NOL7: variants seen among roughly 807,000 people sequenced by gnomAD.
The protein encoded by NOL7 is U3 small nucleolar RNA-associated protein NOL7.
In NOL7, 36 loss-of-function variants were observed where a neutral mutation model predicts 38.4. The observed-to-expected ratio is 0.94, with a 90% CI of 0.72 to 1.24. NOL7 has a LOEUF of 1.24. Among genes scored for constraint, NOL7 ranks in the 50% most tolerant of loss-of-function variants. The probability of loss-of-function intolerance (pLI) is 0.00; values close to 1 mark genes in which losing one functional copy is unlikely to be tolerated. For missense variants in NOL7, 350 were observed against 315.1 expected (o/e 1.11, Z -0.84); for synonymous variants, 142 against 126.5 (o/e 1.12, Z -0.82).
chr6:13,624,879 TCA>T (rs937426263), downstream of NOL7, among the ~76,000 whole-genome samples: 15 of 152,214 alleles, frequency 9.9e-5, no homozygotes, highest in African/African-American at 3.1e-4. Context: ...TGCCGGGTAC[TCA>T]CAAGTCATCA....
At chr6:13,618,002 T>A (rs1335340747) in intron 4 of NOL7, 56 bp from the exon 5 acceptor site, 5 of 1,111,144 alleles carry the variant, frequency 4.5e-6, no homozygotes, top group Non-Finnish European at 6.8e-6. Flanking sequence ...CTCCAGTAAA[T>A]TTCCTGATTT....
Position 13,616,467 on chromosome 6 carries a change from G to T in NOL7, c.332G>T (p.Arg111Ile). Residue 111 changes from arginine to isoleucine, a missense_variant, in exon 3 of 8, where the codon AGA (arginine) becomes ATA (isoleucine). Arg to Ile is a moderately conservative substitution (Grantham distance 97, BLOSUM62 -3). Transcript: ENST00000451315. Reference protein sequence around the residue: ...REELFIEQKKRKLLPDTILEK... With the variant: ...REELFIEQKKIKLLPDTILEK... ...TAAACGTTTTCATTCCAAAAGAAAA[G>T]AAAACTCCTTCCAGACACTATTTTG... The T allele has an allele frequency of 6.2e-7, 1 of 1,606,140 alleles. No individual in the cohort carries two copies.
At chr6:13,620,678 A>G (rs1292142877) in intron 7 of NOL7, 76 bp from the exon 8 acceptor site, 7 of 1,033,828 alleles carry the variant, frequency 6.8e-6, no homozygotes, top group Non-Finnish European at 9.9e-6. Context: ...TAGTAATTAC[A>G]TTCATATAGA....
At chr6:13,621,839 T>C (rs1165067661), downstream of NOL7, 1 of 152,682 alleles carries the variant, frequency 6.5e-6, no homozygotes, top group African/African-American at 2.4e-5. Context: ...TCCTGAGTAT[T>C]TCAAGTTTTA....
chr6:13,625,714 T>C (rs764570849), downstream of NOL7: 18 of 1,613,406 alleles, frequency 1.1e-5, no homozygotes, highest in Non-Finnish European at 1.5e-5. Context: ...CAAGCTGATT[T>C]CCAACTGGGC....
chr6:13,620,665 T>A, intron 7 of NOL7, 89 bp from the exon 8 acceptor site: 1 of 1,001,214 alleles, frequency 1.0e-6, no homozygotes, highest in Non-Finnish European at 1.5e-6. Flanking sequence ...GCCCACCCAG[T>A]TTTAGTAATT....
downstream of NOL7, chr6:13,622,189 C>T (rs1365569325): frequency 1.4e-5 from 8 of 563,666 alleles, no homozygotes; most frequent in Admixed American, 1.7e-4. Context: ...TTTCTCCTAA[C>T]ACTAAGTTAG....
downstream of NOL7, among the ~76,000 whole-genome samples, chr6:13,625,947 CTAATT>C (rs1345899769): frequency 6.6e-6 from 1 of 152,088 alleles, no homozygotes; most frequent in Non-Finnish European, 1.5e-5. Context: ...GCAGCAAAGC[CTAATT>C]TATTTTCATT....
chr6:13,625,556 C>T, downstream of NOL7: 1 of 705,378 alleles, frequency 1.4e-6, no homozygotes. Flanking sequence ...AAACATTTTC[C>T]TGATGATTTT....
At chr6:13,630,547 A>G (rs1389226920) in intron 8 of NOL7, among the ~76,000 whole-genome samples, 1 of 152,214 alleles carries the variant, frequency 6.6e-6, no homozygotes, top group Non-Finnish European at 1.5e-5. Flanking sequence ...TTTATTTCCA[A>G]ATATGCCCTA....
In NOL7 at chr6:13,615,738, G is replaced by A. The variant is rs760188337; in HGVS notation, c.293G>A (p.Arg98Lys). The change falls in exon 2 of 8, where the codon AGG (arginine) becomes AAG (lysine). Residue 98 changes from arginine (R) to lysine (K), a missense_variant. Transcript: ENST00000451315. ...RRDKTLLKEK[R>K]KRREELFIEQ... is the part of the protein sequence containing the mutation. The stretch of plus-strand genomic sequence containing the variant: ...GATAAAACGCTCCTGAAGGAGAAGA[G>A]GAAGCGACGCGAGGAGCTGTTCATC... 6.2e-7 allele frequency: 1 copy of A among 1,614,132 alleles called. No homozygotes were observed. The highest frequency in any genetic ancestry group is 8.5e-7 in the Non-Finnish European group (1 of 1,179,988).
downstream of NOL7, chr6:13,625,642 G>A: frequency 6.4e-7 from 1 of 1,564,334 alleles, no homozygotes; most frequent in Non-Finnish European, 8.8e-7. Context: ...GCCTTATTTG[G>A]CTTTACTTAC....
intron 8 of NOL7, among the ~76,000 whole-genome samples, chr6:13,629,911 C>T (rs1317206798): frequency 8.0e-6 from 1 of 124,954 alleles, no homozygotes. Context: ...CTCTCTCTCT[C>T]TCTCTCTCTC....
rs776228615 is a variant in NOL7, at chr6:13,621,078, T to G, written c.*251T>G. 20 of 254,808 alleles carry G rather than the reference T, an allele frequency of 7.8e-5. No individual in the cohort carries two copies. Among genetic ancestry groups the G allele is most frequent in the Non-Finnish European group, 1.1e-4 (15 of 132,200 alleles). 15.8% of individuals were successfully genotyped at this position (254,808 alleles called of 1,614,324 possible). On this transcript the variant is annotated 3_prime_UTR_variant, in exon 8 of 8. Coordinates refer to ENST00000451315, the MANE Select transcript of NOL7 (RefSeq NM_016167.5). ...TACCCACATCAGCAACAGCACCTCT[T>G]CTACTCTCCCCGGGTTAGAGGGGTG...
rs886550846 is a variant in NOL7 at position 13,615,378 on chromosome 6, G to T, written c.20G>T (p.Arg7Leu). 5 of 1,516,930 alleles carry T rather than the reference G, an allele frequency of 3.3e-6. No individual in the cohort carries two copies. Among genetic ancestry groups the T allele is most frequent in the Non-Finnish European group, 4.4e-6 (5 of 1,134,602 alleles). The allele number at this position is 1,516,930 out of a possible 1,614,324, so 94.0% of individuals were successfully genotyped here. MVQLRP[R>L]ASRAPASAEA... ...TGGGCCATGGTGCAGCTCCGACCGC[G>T]AGCGTCTCGCGCCCCGGCGTCGGCG... Residue 7 changes from arginine (R) to leucine (L), a missense_variant, in exon 1 of 8, where the codon CGA (arginine) becomes CTA (leucine). Coordinates refer to ENST00000451315, the MANE Select transcript of NOL7 (RefSeq NM_016167.5).
In NOL7 at chr6:13,618,333, C is replaced by T. The variant is rs548589863; in HGVS notation, c.500+194C>T. On this transcript the variant is annotated intron_variant, in intron 5 of 7. Coordinates refer to ENST00000451315, the MANE Select transcript of NOL7 (RefSeq NM_016167.5). The stretch of plus-strand genomic sequence containing the variant: ...CGCAATCTCGGCTCACTGCAAGCTC[C>T]GCTTCCCGGGTTCACGCCATTCTCC... The T allele has an allele frequency of 7.7e-3, 1,464 of 189,596 alleles. 25 individuals are homozygous for T. Among genetic ancestry groups the T allele is most frequent in the African/African-American group, 0.031 (1,300 of 42,440 alleles). The allele number at this position is 189,596 out of a possible 1,614,324, so 11.7% of individuals were successfully genotyped here.
Position 13,620,761 on chromosome 6 carries a change from A to G in NOL7, c.708A>G (p.Gln236=), listed in dbSNP as rs1764422092. 6.3e-7 allele frequency: 1 copy of G among 1,595,222 alleles called. No homozygotes were observed. Among genetic ancestry groups the G allele is most frequent in the African/African-American group, 1.4e-5 (1 of 73,782 alleles). The part of the protein sequence containing the change: ...VQFLNNAWGI[Q]KKQNAKRFKR... ...GAAAACTTTATATTCTAGGAATCCAAAAAAAACAAAATGCCAAGAGGTTTA... is the reference window on the plus strand; with the variant it reads ...GAAAACTTTATATTCTAGGAATCCAGAAAAAACAAAATGCCAAGAGGTTTA... The change falls in exon 8 of 8, where the codon CAA becomes CAG. Residue 236 remains glutamine (Q), a synonymous_variant. Coordinates refer to ENST00000451315, the MANE Select transcript of NOL7 (RefSeq NM_016167.5).
At chr6:13,615,916 G>C (rs1764269704) in intron 2 of NOL7, 144 bp downstream of exon 2, 8 of 884,566 alleles carry the variant, frequency 9.0e-6, no homozygotes, top group Admixed American at 6.3e-5. Context: ...AAGATGCTCG[G>C]GCCGGGCGCG....
chr6:13,623,752 G>A (rs116013663), downstream of NOL7, among the ~76,000 whole-genome samples: 1,026 of 152,226 alleles, frequency 6.7e-3, 7 homozygotes, highest in African/African-American at 0.023. Flanking sequence ...ATCTATAGCA[G>A]TTTAATAATT....
Sources: gnomAD v4.1 joint callset for allele counts (sites outside exome capture counted in the v4.1 genomes callset) on GRCh38, gnomAD v4.1.1 for gene constraint, MANE v1.5 for transcripts, NCBI Gene and HGNC (gene_info 2026-07-23, HGNC 2026-07-21) for gene names.